PLEKHH2: variants seen among roughly 807,000 people sequenced by gnomAD.
PLEKHH2 encodes pleckstrin homology, MyTH4 and FERM domain containing H2.
PLEKHH2 carries 129 observed loss-of-function variants against 187.9 expected under a neutral mutation model. That is an observed-to-expected ratio of 0.69 (90% CI 0.59 to 0.79). PLEKHH2 has a LOEUF of 0.79. Ranked by LOEUF, PLEKHH2 falls within the 30% of genes least tolerant of loss-of-function variation. The pLI, the probability that PLEKHH2 is intolerant of heterozygous loss-of-function variation, is 0.00. For missense variants in PLEKHH2, 2,076 were observed against 1,751.2 expected (o/e 1.19, Z -3.31); for synonymous variants, 686 against 605.6 (o/e 1.13, Z -1.95).
At position 43,767,208 on chromosome 2, in the gene PLEKHH2, T is replaced by G. The variant is rs918190017; in HGVS notation, c.*1610T>G. 2.6e-5 allele frequency: 4 copies of G among 152,328 alleles called. No individual in the cohort carries two copies. The highest frequency in any genetic ancestry group is 6.5e-5 in the Admixed American group (1 of 15,282). The allele number at this position is 152,328 out of a possible 1,614,324, so 9.4% of individuals were successfully genotyped here. On this transcript the variant is annotated 3_prime_UTR_variant, in exon 30 of 30. Transcript: ENST00000282406. Reference sequence around the variant, plus strand: ...CACTTTGTCATTTTTTTTAACCAATTTGAGAAATGTTAGCTGCTGAATTAA... The same window carrying G: ...CACTTTGTCATTTTTTTTAACCAATGTGAGAAATGTTAGCTGCTGAATTAA...
At chr2:43,745,994 A>T in intron 24 of PLEKHH2, 31 bp downstream of exon 24, 1 of 1,434,022 alleles carries the variant, frequency 7.0e-7, no homozygotes, top group Non-Finnish European at 9.7e-7. Context: ...ATGCCAAAGT[A>T]TGAGTATACA....
intron 3 of PLEKHH2, among the ~76,000 whole-genome samples, chr2:43,691,883 T>C (rs1335682629): frequency 2.6e-5 from 4 of 152,212 alleles, no homozygotes; most frequent in Non-Finnish European, 1.5e-5. Context: ...TGATGCTTTC[T>C]CAGGGCCTGG....
chr2:43,712,056 G>A, intron 14 of PLEKHH2, 169 bp from the exon 15 acceptor site: 2 of 1,288,026 alleles, frequency 1.6e-6, no homozygotes, highest in Non-Finnish European at 2.0e-6. Context: ...CTCACAAAGT[G>A]GTTAAAATAT....
chr2:43,675,163 G>T (rs550114349), intron 2 of PLEKHH2: 111 of 410,724 alleles, frequency 2.7e-4, no homozygotes, highest in Non-Finnish European at 4.4e-4. Context: ...AATTTTAATA[G>T]TATATTTTAT....
intron 2 of PLEKHH2, among the ~76,000 whole-genome samples, chr2:43,650,235 T>C (rs888252375): frequency 4.7e-5 from 7 of 148,122 alleles, no homozygotes; most frequent in African/African-American, 1.5e-4. Flanking sequence ...TGGGTTCAAG[T>C]GATCCTCCTG....
intron 2 of PLEKHH2, among the ~76,000 whole-genome samples, chr2:43,648,767 A>T (rs1411735441): frequency 6.6e-6 from 1 of 151,542 alleles, no homozygotes; most frequent in African/African-American, 2.4e-5. Context: ...TTGGGTAGAG[A>T]CGGGGTTTCA....
At chr2:43,656,019 C>A (rs1574485386) in intron 2 of PLEKHH2, among the ~76,000 whole-genome samples, 1 of 151,202 alleles carries the variant, frequency 6.6e-6, no homozygotes, top group Non-Finnish European at 1.5e-5. Context: ...AGTGCAGTGG[C>A]ATGATCTCGG....
intron 2 of PLEKHH2, among the ~76,000 whole-genome samples, chr2:43,647,156 T>G (rs758250824): frequency 3.9e-5 from 6 of 152,186 alleles, no homozygotes; most frequent in African/African-American, 9.6e-5. Context: ...TATAACAACT[T>G]GTGAAGTAAT....
chr2:43,713,800 G>A (rs1295329558), intron 15 of PLEKHH2, among the ~76,000 whole-genome samples: 1 of 151,874 alleles, frequency 6.6e-6, no homozygotes, highest in Non-Finnish European at 1.5e-5. Flanking sequence ...CTCTGATTAT[G>A]TAAGAGGTGG....
chr2:43,679,196 T>G (rs1668033325), intron 3 of PLEKHH2, among the ~76,000 whole-genome samples: 2 of 152,178 alleles, frequency 1.3e-5, no homozygotes, highest in Admixed American at 1.3e-4. Flanking sequence ...TAACTATATT[T>G]AAGTTTTGTA....
intron 3 of PLEKHH2, among the ~76,000 whole-genome samples, chr2:43,682,715 G>A (rs572473699): frequency 6.6e-6 from 1 of 152,224 alleles, no homozygotes; most frequent in East Asian, 1.9e-4. Flanking sequence ...TATTCATTAA[G>A]CATTTAGTCC....
rs373323749 is a variant in PLEKHH2 at position 43,762,995 on chromosome 2, C to A, written c.4158+605C>A. 3.9e-5 allele frequency among the ~76,000 whole-genome samples: 6 copies of A among 152,036 alleles called. No individual in the cohort carries two copies. The East Asian group carries it at 9.6e-4, about 24-fold the overall frequency. On this transcript the variant is annotated intron_variant, in intron 28 of 29. Coordinates refer to ENST00000282406, the MANE Select transcript of PLEKHH2 (RefSeq NM_172069.4). ...CTAAATTCACCTGGCAGGTCTAATC[C>A]TGTGGCTATAATCAGAAGATCACTG...
chr2:43,725,502 G>T (rs1413082921), intron 16 of PLEKHH2, among the ~76,000 whole-genome samples: 2 of 152,174 alleles, frequency 1.3e-5, no homozygotes, highest in Non-Finnish European at 2.9e-5. Flanking sequence ...TGTTAGAAGA[G>T]AAGTGATTTC....
At chr2:43,732,310 C>G (rs541395264) in intron 19 of PLEKHH2, among the ~76,000 whole-genome samples, 2 of 152,140 alleles carry the variant, frequency 1.3e-5, no homozygotes, top group African/African-American at 4.8e-5. Flanking sequence ...TTGCAGTGAG[C>G]TGAGATCACG....
At chr2:43,652,550 T>G (rs62138783) in intron 2 of PLEKHH2, among the ~76,000 whole-genome samples, 3 of 152,066 alleles carry the variant, frequency 2.0e-5, no homozygotes, top group Non-Finnish European at 2.9e-5. Flanking sequence ...CAGGAGGAGA[T>G]AGAAGTCTCT....
intron 10 of PLEKHH2, among the ~76,000 whole-genome samples, chr2:43,706,961 G>T (rs1669687716): frequency 6.6e-6 from 1 of 152,166 alleles, no homozygotes. Context: ...ACTTTGGGAG[G>T]CCGAGGCGGG....
At chr2:43,679,650 C>A (rs7557466) in intron 3 of PLEKHH2, 81,796 of 234,840 alleles carry the variant, frequency 0.35, 15,217 homozygotes, top group Non-Finnish European at 0.4. Context: ...TGCGCACCAC[C>A]ATACCCGGCT....
At chr2:43,733,777 T>C (rs536914247) in intron 19 of PLEKHH2, among the ~76,000 whole-genome samples, 16 of 152,288 alleles carry the variant, frequency 1.1e-4, no homozygotes, top group Admixed American at 8.5e-4. Context: ...CACTGGGTGA[T>C]GGGTACATGG....
chr2:43,681,118 G>C, intron 3 of PLEKHH2: 1 of 944,404 alleles, frequency 1.1e-6, no homozygotes, highest in Non-Finnish European at 1.7e-6. Context: ...CTATGGTTGT[G>C]AAACCAAGTC....
Sources: gnomAD v4.1 joint callset for allele counts (sites outside exome capture counted in the v4.1 genomes callset) on GRCh38, gnomAD v4.1.1 for gene constraint, MANE v1.5 for transcripts, NCBI Gene and HGNC (gene_info 2026-07-23, HGNC 2026-07-21) for gene names.